The following SLC7A2 variants were observed in gnomAD, a reference collection of about 807,000 sequenced individuals.
SLC7A2 encodes solute carrier family 7 member 2, also known as cationic amino acid transporter 2.
In SLC7A2, 48 loss-of-function variants were observed where a neutral mutation model predicts 58.9. That is an observed-to-expected ratio of 0.82 (90% confidence interval 0.65 to 1.04). The LOEUF (loss-of-function observed/expected upper bound fraction) is 1.04, where lower values mean the gene tolerates loss of function less well. Among genes scored for constraint, SLC7A2 ranks in the 50% least tolerant of loss-of-function variants. SLC7A2 has a pLI of 0.00. For synonymous variants in SLC7A2, 363 were observed against 314.5 expected (o/e 1.15, Z -1.63); for missense variants, 1,029 against 818.8 (o/e 1.26, Z -3.13).
chr8:17,500,799 TACACACACACACACACACACACAC>T (rs60002166), intron 1 of SLC7A2, among the ~76,000 whole-genome samples: 2 of 146,032 alleles, frequency 1.4e-5, no homozygotes, highest in African/African-American at 2.6e-5. Context: ...AACACACACA[TACACACACACACACACACACACAC>T]ACACACACAC....
At chr8:17,550,795 A>C (rs1308409427) in intron 6 of SLC7A2, among the ~76,000 whole-genome samples, 1 of 152,170 alleles carries the variant, frequency 6.6e-6, no homozygotes, top group African/African-American at 2.4e-5. Context: ...ATACATGATG[A>C]TCATGTTCTT....
intron 2 of SLC7A2, among the ~76,000 whole-genome samples, chr8:17,523,457 C>G (rs1801097770): frequency 6.6e-6 from 1 of 152,056 alleles, no homozygotes; most frequent in South Asian, 2.1e-4. Context: ...AGAAATAAAC[C>G]CAAATATTTA....
At chr8:17,495,000 A>G (rs548482907), upstream of SLC7A2, among the ~76,000 whole-genome samples, 40 of 152,370 alleles carry the variant, frequency 2.6e-4, no homozygotes, top group Admixed American at 8.5e-4. Flanking sequence ...TCCAAATTCC[A>G]GATAAATTTG....
At chr8:17,524,836 T>C (rs1490779720) in intron 2 of SLC7A2, among the ~76,000 whole-genome samples, 2 of 152,008 alleles carry the variant, frequency 1.3e-5, no homozygotes, top group Non-Finnish European at 2.9e-5. Context: ...GGGATTAACA[T>C]ACAGAGCCAG....
At chr8:17,497,444 G>A (rs1400913067) in intron 1 of SLC7A2, among the ~76,000 whole-genome samples, 2 of 152,162 alleles carry the variant, frequency 1.3e-5, no homozygotes, top group African/African-American at 4.8e-5. Context: ...CGGGGCCGTG[G>A]GCTGGGGCTG....
At chr8:17,518,191 A>G (rs1430022451) in intron 2 of SLC7A2, among the ~76,000 whole-genome samples, 1 of 151,536 alleles carries the variant, frequency 6.6e-6, no homozygotes, top group Non-Finnish European at 1.5e-5. Context: ...TGATAGTCTC[A>G]AATATTTATT....
At chr8:17,499,395 C>A (rs1800069575) in intron 1 of SLC7A2, among the ~76,000 whole-genome samples, 1 of 148,970 alleles carries the variant, frequency 6.7e-6, no homozygotes, top group South Asian at 2.2e-4. Flanking sequence ...TCTCTCTGTC[C>A]CTCTTCCCTC....
chr8:17,549,142 C>T lies in SLC7A2; in HGVS notation c.698+299C>T, dbSNP rs541645578. Among the ~76,000 whole-genome samples the T allele has an allele frequency of 1.3e-3, 200 of 152,210 alleles. 1 individual carries two copies. Among genetic ancestry groups the T allele is most frequent in the African/African-American group, 4.4e-3 (181 of 41,534 alleles). On this transcript the variant is annotated intron_variant, in intron 5 of 12. Transcript: ENST00000494857. ...CCCACTCACCATCACAAGAACAGCA[C>T]AGGAAAGACCTGCCCCCATGATTCA...
intron 2 of SLC7A2, among the ~76,000 whole-genome samples, chr8:17,528,952 A>G (rs1378386177): frequency 6.6e-6 from 1 of 151,716 alleles, no homozygotes; most frequent in Non-Finnish European, 1.5e-5. Context: ...CCTGTCGGGG[A>G]TGAAAGGAAT....
intron 8 of SLC7A2, 121 bp from the exon 9 acceptor site, chr8:17,558,174 G>C: frequency 1.5e-6 from 1 of 650,930 alleles, no homozygotes; most frequent in South Asian, 1.9e-5. Flanking sequence ...CTACACTCTG[G>C]TTGACTTATC....
intron 2 of SLC7A2, among the ~76,000 whole-genome samples, chr8:17,532,229 C>CAAAAAAAAAAAAAAA (rs534441508): frequency 4.3e-5 from 2 of 46,202 alleles, no homozygotes; most frequent in African/African-American, 2.0e-4. Context: ...GACTCTATCT[C>CAAAAAAAAAAAAAAA]AAAAAAAAAA....
At chr8:17,549,374 C>T (rs930965751) in intron 5 of SLC7A2, among the ~76,000 whole-genome samples, 3 of 152,224 alleles carry the variant, frequency 2.0e-5, no homozygotes, top group East Asian at 1.9e-4. Context: ...TCCCTTCAAA[C>T]TTAAAGGTAT....
At chr8:17,505,659 A>G (rs906393844) in intron 2 of SLC7A2, among the ~76,000 whole-genome samples, 1 of 152,166 alleles carries the variant, frequency 6.6e-6, no homozygotes, top group Admixed American at 6.5e-5. Flanking sequence ...AGTATTTGTA[A>G]ATGTCTGACA....
At chr8:17,538,769 T>G in intron 2 of SLC7A2, 1 of 1,607,936 alleles carries the variant, frequency 6.2e-7, no homozygotes, top group Non-Finnish European at 8.5e-7. Context: ...TACTTTTTTT[T>G]CCATCAGTCC....
Position 17,530,642 on chromosome 8 carries a change from G to A in SLC7A2, c.-22-12676G>A, listed in dbSNP as rs764286377. ...GCCTAGCATGCGGTGGTGCAATCTC[G>A]ACTCACTGCAACTTCTGCCTCCTAG... On this transcript the variant is annotated intron_variant, in intron 2 of 12. Coordinates refer to ENST00000494857, the MANE Select transcript of SLC7A2 (RefSeq NM_001370338.1). Among the ~76,000 whole-genome samples, 8 of 150,550 alleles carry A rather than the reference G, an allele frequency of 5.3e-5. No individual in the cohort carries two copies. In the South Asian group the frequency reaches 6.3e-4, roughly 12 times the overall value.
intron 2 of SLC7A2, chr8:17,520,713 G>A (rs1800982723): frequency 1.6e-6 from 1 of 620,768 alleles, no homozygotes; most frequent in Non-Finnish European, 2.0e-6. Context: ...TTACAAAAAA[G>A]TTTCAAGGAG....
At chr8:17,558,496 TCTCACCAA>T in intron 9 of SLC7A2, 99 bp downstream of exon 9, 1 of 684,062 alleles carries the variant, frequency 1.5e-6, no homozygotes, top group Non-Finnish European at 2.6e-6. Flanking sequence ...GAGCCAGCAG[TCTCACCAA>T]GGTGAGAGGT....
At chr8:17,529,471 A>G (rs1200978646) in intron 2 of SLC7A2, among the ~76,000 whole-genome samples, 1 of 151,932 alleles carries the variant, frequency 6.6e-6, no homozygotes, top group African/African-American at 2.4e-5. Context: ...ATCCTACCCA[A>G]GTGCCATGGG....
chr8:17,497,594 C>G (rs1013282240), intron 1 of SLC7A2, among the ~76,000 whole-genome samples: 1 of 152,204 alleles, frequency 6.6e-6, no homozygotes, highest in African/African-American at 2.4e-5. Context: ...TCGCGGGGAC[C>G]CTTCAGTCAC....
Sources: gnomAD v4.1 joint callset for allele counts (sites outside exome capture counted in the v4.1 genomes callset) on GRCh38, gnomAD v4.1.1 for gene constraint, MANE v1.5 for transcripts, NCBI Gene and HGNC (gene_info 2026-07-23, HGNC 2026-07-21) for gene names.